ACOX2: variants seen among roughly 807,000 people sequenced by gnomAD.
The protein encoded by ACOX2 is peroxisomal acyl-coenzyme A oxidase 2.
A neutral mutation model predicts 77.5 loss-of-function variants in ACOX2; 59 were observed. That is an observed-to-expected ratio of 0.76 (90% confidence interval 0.62 to 0.95). The LOEUF is 0.95. Among genes scored for constraint, ACOX2 ranks in the 40% least tolerant of loss-of-function variants. ACOX2 has a pLI of 0.00. For missense variants in ACOX2, 837 were observed against 880.4 expected (o/e 0.95, Z 0.62); for synonymous variants, 317 against 340.1 (o/e 0.93, Z 0.75).
rs2063484343 is a variant in ACOX2, at chr3:58,536,712, T to A, written c.-92+407A>T. On this transcript the variant is annotated intron_variant, in intron 1 of 14. Coordinates refer to ENST00000302819, the MANE Select transcript of ACOX2 (RefSeq NM_003500.4). Reference sequence around the variant, plus strand: ...ATCTCCATCTGCCCAGAACACCCTTTCTTCAAATGTCACTAGGGCTTTTTG... The same window carrying A: ...ATCTCCATCTGCCCAGAACACCCTTACTTCAAATGTCACTAGGGCTTTTTG... Among the ~76,000 whole-genome samples, 4 of 152,244 alleles carry A rather than the reference T, an allele frequency of 2.6e-5. No homozygotes were observed. In the South Asian group the frequency reaches 6.2e-4, roughly 24 times the overall value.
At position 58,533,975 on chromosome 3, in the gene ACOX2, C is replaced by A. The variant is rs778429752; in HGVS notation, c.475+19G>T. 1.2e-6 allele frequency: 2 copies of A among 1,613,642 alleles called. No homozygotes were observed. The highest frequency in any genetic ancestry group is 8.5e-7 in the Non-Finnish European group (1 of 1,179,750). ...TGCAGTGCACAACCTAAACACCACA[C>A]GCAGCAGTCCTAGCTCACCATGTCC... On this transcript the variant is annotated intron_variant, in intron 4 of 14. Coordinates refer to ENST00000302819, the MANE Select transcript of ACOX2 (RefSeq NM_003500.4). This position sits in a 1 kb window ranked among gnomAD's most constrained non-coding sequence, Gnocchi z 5.6.
rs778158815 is a variant in ACOX2, at chr3:58,526,572, C to A, written c.1240G>T (p.Gly414Ter). The A allele has an allele frequency of 5.0e-6, 8 of 1,614,084 alleles. No homozygotes were observed. In the African/African-American group the frequency reaches 6.7e-5, roughly 13 times the overall value. The change falls in exon 10 of 15, where the codon GGA becomes TGA. Residue 414 changes from glycine to a stop codon, truncating the protein, a stop_gained. Coordinates refer to ENST00000302819, the MANE Select transcript of ACOX2 (RefSeq NM_003500.4). LOFTEE classifies it high-confidence loss of function. This position sits in a 1 kb window ranked among gnomAD's most constrained non-coding sequence, Gnocchi z 4.3. Reference protein sequence around the residue: ...GAEMCRRACGGHGYSKLSGLP... With the variant: ...GAEMCRRACG ...CCACTCAGCTTTGAGTAGCCATGTC[C>A]GCCACAGGCCCTGCGGCACATCTCA... is the stretch of plus-strand genomic sequence containing the variant.
Position 58,533,182 on chromosome 3 carries a change from G to C in ACOX2, c.583+263C>G, listed in dbSNP as rs2063453807. On this transcript the variant is annotated intron_variant, in intron 5 of 14. Transcript: ENST00000302819. The surrounding 1 kb of genome is among the most constrained non-coding windows in gnomAD (Gnocchi z 5.6). ...TGCGTGTGTGTGTGAGTGAGGCCTT[G>C]TCTCTCATGGATCGATTGTCTCCTC... 6.6e-6 allele frequency among the ~76,000 whole-genome samples: 1 copy of C among 152,110 alleles called. No individual in the cohort carries two copies. The highest frequency in any genetic ancestry group is 1.5e-5 in the Non-Finnish European group (1 of 68,014).
rs536907062 is a variant in ACOX2, at chr3:58,528,104, G to C, written c.1155+690C>G. 8.5e-5 allele frequency among the ~76,000 whole-genome samples: 13 copies of C among 152,306 alleles called. No homozygotes were observed. The South Asian group carries it at 2.7e-3, about 32-fold the overall frequency. Reference sequence around the variant, plus strand: ...GGCAGCAGGACTGCTTTCAGATTTTGGTTCTTGAAGACCCTGCCTATCTTT... The same window carrying C: ...GGCAGCAGGACTGCTTTCAGATTTTCGTTCTTGAAGACCCTGCCTATCTTT... On this transcript the variant is annotated intron_variant, in intron 9 of 14. Transcript: ENST00000302819. This position sits in a 1 kb window ranked among gnomAD's most constrained non-coding sequence, Gnocchi z 5.6.
In ACOX2 at chr3:58,512,993, T is replaced by C. The variant is rs55743456; in HGVS notation, c.1851-3968A>G. ...ATTAAGTGATGCATGACTGTACTTA[T>C]GTTCTGCCTGTAATGCTCTTTCCCT... On this transcript the variant is annotated intron_variant, in intron 13 of 14. Transcript: ENST00000302819. This position sits in a 1 kb window ranked among gnomAD's most constrained non-coding sequence, Gnocchi z 4.8. 2.3e-3 allele frequency among the ~76,000 whole-genome samples: 355 copies of C among 152,316 alleles called. 1 individual carries two copies. Among genetic ancestry groups the C allele is most frequent in the Non-Finnish European group, 3.7e-3 (253 of 68,018 alleles).
At chr3:58,520,795 G>A (rs9819549) in intron 12 of ACOX2, among the ~76,000 whole-genome samples, 17,820 of 152,096 alleles carry the variant, frequency 0.12, 1,141 homozygotes, top group East Asian at 0.22. Context: ...TTCTTCCCCC[G>A]CAGGCTGGCT....
At position 58,519,962 on chromosome 3, in the gene ACOX2, T is replaced by C. The variant is rs1197874894; in HGVS notation, c.1632+2534A>G. 6.6e-6 allele frequency among the ~76,000 whole-genome samples: 1 copy of C among 152,144 alleles called. No individual in the cohort carries two copies. The highest frequency in any genetic ancestry group is 1.5e-5 in the Non-Finnish European group (1 of 68,012). On this transcript the variant is annotated intron_variant, in intron 12 of 14. Transcript: ENST00000302819. This position sits in a 1 kb window ranked among gnomAD's most constrained non-coding sequence, Gnocchi z 5.0. The stretch of plus-strand genomic sequence containing the variant: ...GGCTCTGAGTTGAGGAGTGGAGTGA[T>C]GGAGAGCTGCCCAGGGGCCTGGGCC...
At position 58,525,413 on chromosome 3, in the gene ACOX2, C is replaced by T. The variant is rs1436243610; in HGVS notation, c.1347-808G>A. On this transcript the variant is annotated intron_variant, in intron 10 of 14. Transcript: ENST00000302819. The surrounding 1 kb of genome is among the most constrained non-coding windows in gnomAD (Gnocchi z 5.0). The stretch of plus-strand genomic sequence containing the variant: ...AGAATAGGTGAGGATGAGGCTCTGT[C>T]GGCCTCCAGGGCCCACAGACCTAAG... 1.3e-5 allele frequency among the ~76,000 whole-genome samples: 2 copies of T among 152,200 alleles called. No individual in the cohort carries two copies. The highest frequency in any genetic ancestry group is 4.8e-5 in the African/African-American group (2 of 41,454).
Position 58,515,312 on chromosome 3 carries a change from C to T in ACOX2, c.1850+1894G>A, listed in dbSNP as rs1267855608. On this transcript the variant is annotated intron_variant, in intron 13 of 14. Coordinates refer to ENST00000302819, the MANE Select transcript of ACOX2 (RefSeq NM_003500.4). This position sits in a 1 kb window ranked among gnomAD's most constrained non-coding sequence, Gnocchi z 4.0. ...CTGGGATTGCAGGTATTAGCCACCG[C>T]GCCTGGCCTGAACAAACATTTTTTT... Among the ~76,000 whole-genome samples the T allele has an allele frequency of 2.6e-5, 4 of 152,122 alleles. No homozygotes were observed. Among genetic ancestry groups the T allele is most frequent in the Admixed American group, 6.6e-5 (1 of 15,266 alleles).
chr3:58,509,649 A>G (rs1576985836), intron 13 of ACOX2, among the ~76,000 whole-genome samples: 2 of 112,340 alleles, frequency 1.8e-5, no homozygotes, highest in Non-Finnish European at 1.7e-5. Context: ...TCAGTTGCCC[A>G]GGCTGGAGTG....
In ACOX2 at chr3:58,528,838, A is replaced by G; in HGVS notation, c.1111T>C (p.Ser371Pro). The G allele has an allele frequency of 1.2e-6, 2 of 1,613,562 alleles. No homozygotes were observed. ...TCTTGGTTCAGAATGGCAGTGTAGG[A>G]GTGCTGGAAGAACTCCAAGAGGCTG... is the stretch of plus-strand genomic sequence containing the variant. Reference protein sequence around the residue: ...AVSLLEFFQHSYTAILNQDFS... With the variant: ...AVSLLEFFQHPYTAILNQDFS... The change falls in exon 9 of 15, where the codon TCC becomes CCC. Residue 371 changes from serine to proline, a missense_variant. Physicochemically the swap from Ser to Pro is moderately conservative, Grantham distance 74 (BLOSUM62 -1). Transcript: ENST00000302819. This position sits in a 1 kb window ranked among gnomAD's most constrained non-coding sequence, Gnocchi z 5.6.
In ACOX2 at chr3:58,526,745, A is replaced by C. The variant is rs578245933; in HGVS notation, c.1156-89T>G. The C allele has an allele frequency of 3.6e-6, 5 of 1,387,966 alleles. No homozygotes were observed. Among genetic ancestry groups the C allele is most frequent in the Non-Finnish European group, 4.0e-6 (4 of 1,008,898 alleles). 86.0% of individuals were successfully genotyped at this position (1,387,966 alleles called of 1,614,324 possible). ...TGCACCACTTACTGAGCATCTACTC[A>C]TGCCCAGCTCAGCTCTGAGGTAAGA... On this transcript the variant is annotated intron_variant, in intron 9 of 14. Coordinates refer to ENST00000302819, the MANE Select transcript of ACOX2 (RefSeq NM_003500.4). The surrounding 1 kb of genome is among the most constrained non-coding windows in gnomAD (Gnocchi z 4.3).
intron 13 of ACOX2, among the ~76,000 whole-genome samples, chr3:58,510,063 C>T (rs1434616028): frequency 6.6e-6 from 1 of 152,166 alleles, no homozygotes; most frequent in African/African-American, 2.4e-5. Context: ...CTCTTCACTC[C>T]TACCTCCCCT....
At chr3:58,527,548 A>G (rs189810598) in intron 9 of ACOX2, among the ~76,000 whole-genome samples, 1 of 151,642 alleles carries the variant, frequency 6.6e-6, no homozygotes, top group Non-Finnish European at 1.5e-5. Context: ...AAAAAAAAAA[A>G]AAGAAAGAAA....
In ACOX2 at chr3:58,527,212, G is replaced by T. The variant is rs912291715; in HGVS notation, c.1156-556C>A. On this transcript the variant is annotated intron_variant, in intron 9 of 14. Coordinates refer to ENST00000302819, the MANE Select transcript of ACOX2 (RefSeq NM_003500.4). Reference sequence around the variant, plus strand: ...AGGTAATTAAGTCATGAGGGTGGAGGCCTCATGAATGGGATCAGTGCCCTC... The same window carrying T: ...AGGTAATTAAGTCATGAGGGTGGAGTCCTCATGAATGGGATCAGTGCCCTC... Among the ~76,000 whole-genome samples, 4 of 152,058 alleles carry T rather than the reference G, an allele frequency of 2.6e-5. No homozygotes were observed. In the East Asian group the frequency reaches 7.7e-4, roughly 29 times the overall value.
chr3:58,509,589 C>T (rs1389862006), intron 13 of ACOX2, among the ~76,000 whole-genome samples: 1 of 150,482 alleles, frequency 6.6e-6, no homozygotes, highest in African/African-American at 2.4e-5. Flanking sequence ...ACTTCTTTTT[C>T]CTCAGAAGCA....
intron 14 of ACOX2, among the ~76,000 whole-genome samples, chr3:58,507,352 C>G (rs76718977): frequency 6.6e-6 from 1 of 152,312 alleles, no homozygotes; most frequent in East Asian, 1.9e-4. Flanking sequence ...CAATGTTTTC[C>G]CAAATGTGTT....
rs959065172 is a variant in ACOX2, at chr3:58,533,385, T to G, written c.583+60A>C. 13 of 1,477,634 alleles carry G rather than the reference T, an allele frequency of 8.8e-6. No individual in the cohort carries two copies. Among genetic ancestry groups the G allele is most frequent in the Non-Finnish European group, 1.2e-5 (13 of 1,060,212 alleles). 91.5% of individuals were successfully genotyped at this position (1,477,634 alleles called of 1,614,324 possible). On this transcript the variant is annotated intron_variant, in intron 5 of 14. Transcript: ENST00000302819. This position sits in a 1 kb window ranked among gnomAD's most constrained non-coding sequence, Gnocchi z 5.6. ...TTGGACCTCAAAGCCAGTGCTACTC[T>G]GCCCTCCAACATTCTTCTACTTGGG...
chr3:58,531,463 C>T lies in ACOX2; in HGVS notation c.704-97G>A, dbSNP rs2063439003. ...CATTCCAGGTCACAGCAGCCTGTGA[C>T]ACTGGGATTATTGTACCTATTTTGC... On this transcript the variant is annotated intron_variant, in intron 6 of 14. Transcript: ENST00000302819. The surrounding 1 kb of genome is among the most constrained non-coding windows in gnomAD (Gnocchi z 5.8). The T allele has an allele frequency of 3.9e-6, 5 of 1,286,988 alleles. No homozygotes were observed. In the African/African-American group the frequency reaches 7.4e-5, roughly 19 times the overall value. The allele number at this position is 1,286,988 out of a possible 1,614,324, so 79.7% of individuals were successfully genotyped here.
Sources: allele counts gnomAD v4.1 joint callset (sites outside exome capture counted in the v4.1 genomes callset), GRCh38; gene constraint gnomAD v4.1.1; non-coding constraint Gnocchi (gnomAD v3.1); transcripts MANE v1.5; gene names NCBI Gene and HGNC (gene_info 2026-07-23, HGNC 2026-07-21).